NRG3: variants seen among roughly 807,000 people sequenced by gnomAD.
NRG3 encodes the protein pro-neuregulin-3, membrane-bound isoform.
Under a neutral mutation model 66.9 loss-of-function variants are expected in NRG3, and 31 were observed. The observed-to-expected ratio is 0.46, with a 90% CI of 0.35 to 0.63. NRG3 has a LOEUF of 0.63. Among genes scored for constraint, NRG3 ranks in the 20% least tolerant of loss-of-function variants. The pLI is 0.00. For missense variants in NRG3, 910 were observed against 878.9 expected, an observed-to-expected ratio of 1.04 and a Z score of -0.45; for synonymous variants, 393 against 359.4, an observed-to-expected ratio of 1.09 and a Z score of -1.06.
chr10:82,687,133 T>TTTGGA (rs1260113682), intron 2 of NRG3, among the ~76,000 whole-genome samples: 1 of 152,172 alleles, frequency 6.6e-6, no homozygotes. Flanking sequence ...CATTAACCAC[T>TTTGGA]TTGGATTTAT....
chr10:82,187,213 AG>A (rs1204261157), intron 1 of NRG3, among the ~76,000 whole-genome samples: 1 of 152,206 alleles, frequency 6.6e-6, no homozygotes, highest in East Asian at 1.9e-4. Flanking sequence ...CATGTGGACT[AG>A]AATATTACTG....
intron 3 of NRG3, among the ~76,000 whole-genome samples, chr10:82,823,863 A>T (rs895647126): frequency 1.3e-5 from 2 of 152,190 alleles, no homozygotes; most frequent in African/African-American, 4.8e-5. Context: ...ATTATAAAAT[A>T]CATCCATTTA....
intron 4 of NRG3, among the ~76,000 whole-genome samples, chr10:82,932,855 A>C (rs1052578811): frequency 6.6e-6 from 1 of 152,166 alleles, no homozygotes; most frequent in African/African-American, 2.4e-5. Context: ...CACAGGCAGT[A>C]AATGACGGTT....
intron 2 of NRG3, among the ~76,000 whole-genome samples, chr10:82,621,912 C>G (rs2133618618): frequency 6.6e-6 from 1 of 152,288 alleles, no homozygotes; most frequent in East Asian, 1.9e-4. Context: ...AACGTAGAAA[C>G]CATGTAATAA....
intron 1 of NRG3, among the ~76,000 whole-genome samples, chr10:82,148,514 T>G (rs930368293): frequency 5.3e-5 from 8 of 152,154 alleles, no homozygotes; most frequent in Non-Finnish European, 8.8e-5. Context: ...TCTTATTTTT[T>G]TTTCCTACCT....
chr10:82,523,691 T>C (rs552683954), intron 2 of NRG3, among the ~76,000 whole-genome samples: 1 of 152,242 alleles, frequency 6.6e-6, no homozygotes, highest in Admixed American at 6.5e-5. Flanking sequence ...TGCACTTTTA[T>C]TTGCCAAATT....
chr10:82,593,848 A>G (rs926460176), intron 2 of NRG3, among the ~76,000 whole-genome samples: 6 of 151,758 alleles, frequency 4.0e-5, no homozygotes, highest in African/African-American at 1.5e-4. Context: ...ATATATGTGT[A>G]TATATATAGT....
chr10:82,004,661 G>C (rs563808589), intron 1 of NRG3, among the ~76,000 whole-genome samples: 2 of 152,080 alleles, frequency 1.3e-5, no homozygotes, highest in African/African-American at 4.8e-5. Context: ...CCAGTACCTC[G>C]AAGTATGACT....
At chr10:82,391,493 A>G (rs538397759) in intron 2 of NRG3, among the ~76,000 whole-genome samples, 1 of 152,164 alleles carries the variant, frequency 6.6e-6, no homozygotes, top group African/African-American at 2.4e-5. Context: ...TAGTGAAGCT[A>G]CGTGGCCAAA....
intron 1 of NRG3, among the ~76,000 whole-genome samples, chr10:82,109,808 A>G (rs2067279763): frequency 6.6e-6 from 1 of 152,144 alleles, no homozygotes; most frequent in African/African-American, 2.4e-5. Flanking sequence ...CAGTACTAGT[A>G]TCCCCATGCA....
At chr10:81,996,566 A>G (rs2060948045) in intron 1 of NRG3, among the ~76,000 whole-genome samples, 1 of 152,212 alleles carries the variant, frequency 6.6e-6, no homozygotes. Flanking sequence ...TCACATATCC[A>G]TGATGAGTGC....
chr10:82,662,797 G>T (rs2052468380), intron 2 of NRG3, among the ~76,000 whole-genome samples: 1 of 152,176 alleles, frequency 6.6e-6, no homozygotes, highest in African/African-American at 2.4e-5. Context: ...CCTGAGGTAA[G>T]AGTCAACAGC....
At chr10:82,114,330 T>C (rs965760676) in intron 1 of NRG3, among the ~76,000 whole-genome samples, 1 of 152,284 alleles carries the variant, frequency 6.6e-6, no homozygotes, top group Non-Finnish European at 1.5e-5. Flanking sequence ...CTTTTAGATA[T>C]ATACTTAGTT....
intron 1 of NRG3, among the ~76,000 whole-genome samples, chr10:82,131,478 C>G (rs1360711120): frequency 6.6e-6 from 1 of 151,830 alleles, no homozygotes; most frequent in Non-Finnish European, 1.5e-5. Context: ...TGTGATTCCT[C>G]CAGTTTTTTT....
intron 1 of NRG3, among the ~76,000 whole-genome samples, chr10:82,199,398 A>C (rs2074648928): frequency 6.6e-6 from 1 of 152,172 alleles, no homozygotes; most frequent in Non-Finnish European, 1.5e-5. Flanking sequence ...AGCTCTGCTT[A>C]GTTCAAACAT....
At chr10:82,060,861 G>A (rs143004730) in intron 1 of NRG3, among the ~76,000 whole-genome samples, 111 of 152,270 alleles carry the variant, frequency 7.3e-4, no homozygotes, top group African/African-American at 2.4e-3. Context: ...GCTGGTTGGT[G>A]CGGTTCGCTC....
intron 1 of NRG3, among the ~76,000 whole-genome samples, chr10:82,133,597 T>C (rs1176592581): frequency 6.6e-6 from 1 of 152,208 alleles, no homozygotes; most frequent in African/African-American, 2.4e-5. Context: ...AATCTCCTTC[T>C]TTTTTATGGC....
intron 3 of NRG3, among the ~76,000 whole-genome samples, chr10:82,807,402 A>C (rs1267861712): frequency 6.6e-6 from 1 of 152,188 alleles, no homozygotes; most frequent in African/African-American, 2.4e-5. Flanking sequence ...GGGATTTGCT[A>C]ACATTATTTC....
intron 2 of NRG3, among the ~76,000 whole-genome samples, chr10:82,453,327 A>C (rs113730933): frequency 1.3e-3 from 202 of 152,260 alleles, no homozygotes; most frequent in African/African-American, 4.7e-3. Flanking sequence ...TCATAATTGT[A>C]CTTTTTCTTC....
Sources: gnomAD v4.1 joint callset for allele counts (sites outside exome capture counted in the v4.1 genomes callset) on GRCh38, gnomAD v4.1.1 for gene constraint, MANE v1.5 for transcripts, NCBI Gene and HGNC (gene_info 2026-07-23, HGNC 2026-07-21) for gene names.